Variants in TMLHE observed in about 807,000 individuals in gnomAD.
The protein encoded by TMLHE is trimethyllysine hydroxylase, epsilon, also known as trimethyllysine dioxygenase, mitochondrial.
Under a neutral mutation model 25.7 loss-of-function variants are expected in TMLHE, and 18 were observed. That is an observed-to-expected ratio of 0.70 (90% CI 0.48 to 1.04). TMLHE has a LOEUF of 1.04. Among genes scored for constraint, TMLHE ranks in the 50% least tolerant of loss-of-function variants. The pLI is 0.00. For missense variants in TMLHE, 236 were observed against 259.0 expected (o/e 0.91, Z 0.61); for synonymous variants, 105 against 97.0 (o/e 1.08, Z -0.49).
At chrX:155,537,596 T>A (rs1438374482) in intron 2 of TMLHE, among the ~76,000 whole-genome samples, 1 of 111,277 alleles carries the variant, frequency 9.0e-6, no homozygotes, top group African/African-American at 3.3e-5. Flanking sequence ...AAGCTCCTTT[T>A]CACTCTCTGT....
chrX:155,589,854 C>A (rs1232234883), intron 1 of TMLHE, among the ~76,000 whole-genome samples: 2 of 112,035 alleles, frequency 1.8e-5, no homozygotes, highest in East Asian at 5.6e-4. Flanking sequence ...CTGACTTGAT[C>A]TTTATCCATC....
intron 2 of TMLHE, among the ~76,000 whole-genome samples, chrX:155,532,046 G>T (rs781898628): frequency 2.7e-5 from 3 of 111,850 alleles, no homozygotes; most frequent in African/African-American, 9.7e-5. Flanking sequence ...AGACTCCACA[G>T]AATTACCCCA....
At chrX:155,541,250 G>A (rs1443262189) in intron 2 of TMLHE, among the ~76,000 whole-genome samples, 5 of 110,605 alleles carry the variant, frequency 4.5e-5, no homozygotes, top group Non-Finnish European at 3.8e-5. Context: ...CTGTGTCCAT[G>A]TGTCCTCATT....
chrX:155,531,444 T>C (rs2067248867), intron 2 of TMLHE, among the ~76,000 whole-genome samples: 1 of 110,800 alleles, frequency 9.0e-6, no homozygotes. Flanking sequence ...TGCCAGGCTC[T>C]TTTAAACAAC....
At chrX:155,601,227 C>T (rs958174059) in intron 1 of TMLHE, among the ~76,000 whole-genome samples, 2 of 111,908 alleles carry the variant, frequency 1.8e-5, no homozygotes, top group Non-Finnish European at 3.8e-5. Context: ...AAGGAAATGA[C>T]ACCAGATGGT....
In TMLHE at chrX:155,514,028, T is replaced by C; in HGVS notation, c.596A>G (p.Gln199Arg). 1 of 1,210,896 alleles carries C rather than the reference T, an allele frequency of 8.3e-7. No homozygotes were observed. Among genetic ancestry groups the C allele is most frequent in the Non-Finnish European group, 1.1e-6 (1 of 894,833 alleles). Residue 199 changes from glutamine to arginine, a missense_variant, in exon 4 of 8, where the codon CAA (glutamine) becomes CGA (arginine). This residue lies in a region of TMLHE where 217 missense variants were observed against 214.6 expected (regional missense o/e 1.01). Transcript: ENST00000334398. ...TTCTGCCAACTTCTCTGTGTGCTCT[T>C]GAGTGGGAGGGACATTTTCTACGAA... ...IAFVENVPPT[Q>R]EHTEKLAERI...
intron 1 of TMLHE, among the ~76,000 whole-genome samples, chrX:155,586,960 T>G (rs2067668771): frequency 8.9e-6 from 1 of 111,985 alleles, no homozygotes; most frequent in South Asian, 3.7e-4. Context: ...ATATTAACCC[T>G]CCTGAAACTA....
At chrX:155,548,541 C>CA (rs782365357) in intron 1 of TMLHE, among the ~76,000 whole-genome samples, 16 of 107,316 alleles carry the variant, frequency 1.5e-4, no homozygotes, top group Non-Finnish European at 2.7e-4. Flanking sequence ...TGAGGCCAGC[C>CA]TGACTAACAT....
chrX:155,550,873 G>T (rs1384736461), intron 1 of TMLHE, among the ~76,000 whole-genome samples: 1 of 110,887 alleles, frequency 9.0e-6, no homozygotes, highest in Non-Finnish European at 1.9e-5. Flanking sequence ...AAAACGAGGG[G>T]AAAAGCCATT....
chrX:155,514,133 G>C lies in TMLHE; in HGVS notation c.491C>G (p.Ser164Trp). The C allele has an allele frequency of 8.3e-7, 1 of 1,209,269 alleles. No homozygotes were observed. The highest frequency in any genetic ancestry group is 1.8e-5 in the South Asian group (1 of 56,772). The change falls in exon 4 of 8, where the codon TCG becomes TGG. Residue 164 changes from serine (S) to tryptophan (W), a missense_variant. Physicochemically the swap from Ser to Trp is radical, Grantham distance 177 (BLOSUM62 -3). Transcript: ENST00000334398. ...AEIYQQAQVP[S>W]VDCQSFLETN... ...TTCTAAGAAGCTCTGGCAATCTACCGATGGAACTTGGGCTTGCTGGTAGAT... is the reference window on the plus strand; with the variant it reads ...TTCTAAGAAGCTCTGGCAATCTACCCATGGAACTTGGGCTTGCTGGTAGAT...
chrX:155,549,563 G>C (rs1199469314), intron 1 of TMLHE, among the ~76,000 whole-genome samples: 1 of 109,774 alleles, frequency 9.1e-6, no homozygotes, highest in Admixed American at 9.7e-5. Flanking sequence ...TGCATTTCTG[G>C]AATAAACCCC....
At chrX:155,529,255 T>C (rs2067236277) in intron 2 of TMLHE, among the ~76,000 whole-genome samples, 1 of 111,732 alleles carries the variant, frequency 8.9e-6, no homozygotes, top group Non-Finnish European at 1.9e-5. Context: ...GAGGTGATAC[T>C]TCTTTTAGAA....
At chrX:155,539,238 G>A (rs1469094798) in intron 2 of TMLHE, among the ~76,000 whole-genome samples, 1 of 111,667 alleles carries the variant, frequency 9.0e-6, no homozygotes, top group Non-Finnish European at 1.9e-5. Flanking sequence ...TGTCTTGCCT[G>A]AATCTAAGAA....
In TMLHE at chrX:155,549,255, A is replaced by G. The variant is rs1557339604; in HGVS notation, c.-1-3978T>C. Among the ~76,000 whole-genome samples the G allele has an allele frequency of 2.7e-5, 3 of 110,586 alleles. 1 individual carries two copies. The highest frequency in any genetic ancestry group is 5.7e-5 in the Non-Finnish European group (3 of 52,967). ...GTTTTTTTGCTGCATTGTGCTCACT[A>G]GTTAGGAGGAGTAAGCATGGACAAC... On this transcript the variant is annotated intron_variant, in intron 1 of 7. Coordinates refer to ENST00000334398, the MANE Select transcript of TMLHE (RefSeq NM_018196.4).
intron 1 of TMLHE, among the ~76,000 whole-genome samples, chrX:155,606,815 A>C (rs2067789748): frequency 2.8e-5 from 3 of 107,341 alleles, no homozygotes; most frequent in African/African-American, 1.0e-4. Flanking sequence ...AAAAAAAAAA[A>C]CCCCATCAGA....
At chrX:155,541,476 T>C (rs2067311609) in intron 2 of TMLHE, among the ~76,000 whole-genome samples, 1 of 111,836 alleles carries the variant, frequency 8.9e-6, no homozygotes, top group South Asian at 3.8e-4. Flanking sequence ...TCCAAGTCTT[T>C]GTTATTGTGA....
chrX:155,505,190 T>C (rs1240151374), intron 6 of TMLHE, among the ~76,000 whole-genome samples: 1 of 111,915 alleles, frequency 8.9e-6, no homozygotes, highest in Admixed American at 9.5e-5. Context: ...AAAGCAAGTA[T>C]AGAAATATCT....
chrX:155,604,304 A>G (rs992821530), intron 1 of TMLHE, among the ~76,000 whole-genome samples: 2 of 110,423 alleles, frequency 1.8e-5, no homozygotes, highest in African/African-American at 3.3e-5. Flanking sequence ...TGAGTGCTGT[A>G]CTCATACCTC....
At chrX:155,548,620 A>C (rs1370197370) in intron 1 of TMLHE, among the ~76,000 whole-genome samples, 1 of 108,537 alleles carries the variant, frequency 9.2e-6, no homozygotes, top group Non-Finnish European at 1.9e-5. Context: ...CTGTATTCCC[A>C]GCTACTCAGG....
Sources: gnomAD v4.1 joint callset for allele counts (sites outside exome capture counted in the v4.1 genomes callset) on GRCh38, gnomAD v4.1.1 for gene constraint, gnomAD v4.1.1 regional missense constraint, MANE v1.5 for transcripts, NCBI Gene and HGNC (gene_info 2026-07-23, HGNC 2026-07-21) for gene names.